The following ADARB2 variants were observed in gnomAD, a reference collection of about 807,000 sequenced individuals.
ADARB2 encodes inactive double-stranded RNA-specific editase B2.
Under a neutral mutation model 62.2 loss-of-function variants are expected in ADARB2, and 25 were observed. The observed-to-expected ratio is 0.40, with a 90% CI of 0.29 to 0.56. The LOEUF (loss-of-function observed/expected upper bound fraction) is 0.56, where lower values mean the gene tolerates loss of function less well. Among genes scored for constraint, ADARB2 ranks in the 20% least tolerant of loss-of-function variants. ADARB2 has a pLI of 0.43. For missense variants in ADARB2, 1,071 were observed against 1,077.4 expected (o/e 0.99, Z 0.08); for synonymous variants, 572 against 500.8 (o/e 1.14, Z -1.90).
intron 1 of ADARB2, among the ~76,000 whole-genome samples, chr10:1,484,637 C>T (rs933616929): frequency 6.6e-6 from 1 of 152,224 alleles, no homozygotes; most frequent in Non-Finnish European, 1.5e-5. Flanking sequence ...GCTATGGCAG[C>T]TACACTCATT....
intron 1 of ADARB2, among the ~76,000 whole-genome samples, chr10:1,726,582 T>C (rs1835167283): frequency 1.3e-5 from 2 of 152,092 alleles, no homozygotes; most frequent in African/African-American, 4.8e-5. Context: ...AGAGATGCCG[T>C]CCTTGGTCAC....
intron 1 of ADARB2, among the ~76,000 whole-genome samples, chr10:1,409,309 A>G (rs1832735291): frequency 6.7e-6 from 1 of 148,786 alleles, no homozygotes; most frequent in African/African-American, 2.5e-5. Flanking sequence ...TGCATTCTGC[A>G]AACTTGACTT....
In ADARB2 at chr10:1,581,720, A is replaced by C. The variant is rs1157916664; in HGVS notation, c.100+155331T>G. On this transcript the variant is annotated intron_variant, in intron 1 of 9. Transcript: ENST00000381312. ...TAGACAGAGAATGTATACACAGCAC[A>C]TACAGATGAGAGAACACACTCAGAG... Among the ~76,000 whole-genome samples the C allele has an allele frequency of 2.6e-5, 4 of 152,202 alleles. No individual in the cohort carries two copies. In the East Asian group the frequency reaches 7.7e-4, roughly 29 times the overall value.
At chr10:1,556,434 C>G (rs1010344546) in intron 1 of ADARB2, among the ~76,000 whole-genome samples, 1 of 152,012 alleles carries the variant, frequency 6.6e-6, no homozygotes. Flanking sequence ...GTCCTGCCAG[C>G]AAAAATGCTC....
chr10:1,506,251 G>C (rs982353602), intron 1 of ADARB2, among the ~76,000 whole-genome samples: 2 of 152,072 alleles, frequency 1.3e-5, no homozygotes, highest in African/African-American at 4.8e-5. Context: ...GAATTTTGTC[G>C]TGCGGCTCAT....
chr10:1,213,997 C>CCTG (rs71376896), intron 7 of ADARB2, among the ~76,000 whole-genome samples: 119,216 of 150,746 alleles, frequency 0.79, 47,267 homozygotes, highest in African/African-American at 0.87. Flanking sequence ...TGTGCCCAGA[C>CCTG]CTGGCATTGC....
intron 1 of ADARB2, among the ~76,000 whole-genome samples, chr10:1,666,377 G>A (rs578175870): frequency 2.6e-4 from 39 of 152,348 alleles, no homozygotes; most frequent in African/African-American, 8.4e-4. Context: ...CTCCGAAGGG[G>A]GGCCAGTAGC....
intron 7 of ADARB2, among the ~76,000 whole-genome samples, chr10:1,201,043 G>A (rs781398297): frequency 2.0e-4 from 31 of 152,078 alleles, no homozygotes; most frequent in Non-Finnish European, 4.1e-4. Context: ...ATTAATTACC[G>A]AATCTACCTG....
intron 1 of ADARB2, among the ~76,000 whole-genome samples, chr10:1,544,956 T>TATACACACACACACACACATACACACAC (rs10526252): frequency 1.5e-5 from 2 of 133,848 alleles, no homozygotes; most frequent in Middle Eastern, 3.6e-3. Context: ...TAGCAAAGTA[T>TATACACACACACACACACATACACACAC]ACACACACAC....
chr10:1,326,345 G>A (rs1008288785), intron 3 of ADARB2, among the ~76,000 whole-genome samples: 3 of 152,184 alleles, frequency 2.0e-5, no homozygotes, highest in Admixed American at 2.0e-4. Context: ...CTCCAGGTGG[G>A]CACCCATGGA....
intron 3 of ADARB2, among the ~76,000 whole-genome samples, chr10:1,289,769 C>T (rs1016083659): frequency 3.3e-5 from 5 of 152,258 alleles, no homozygotes; most frequent in Admixed American, 6.5e-5. Flanking sequence ...GGGGACCGCC[C>T]GACCTTCACT....
chr10:1,723,321 G>T (rs1588367239), intron 1 of ADARB2, among the ~76,000 whole-genome samples: 1 of 152,344 alleles, frequency 6.6e-6, no homozygotes, highest in South Asian at 2.1e-4. Flanking sequence ...GGGGACCTGA[G>T]CTCTCCCCGT....
chr10:1,205,305 G>C (rs903148059), intron 7 of ADARB2, among the ~76,000 whole-genome samples: 1 of 152,142 alleles, frequency 6.6e-6, no homozygotes, highest in East Asian at 1.9e-4. Flanking sequence ...GGTGGCCCTA[G>C]GGTTCTGAGG....
At chr10:1,729,639 T>G (rs1835207794) in intron 1 of ADARB2, among the ~76,000 whole-genome samples, 1 of 152,252 alleles carries the variant, frequency 6.6e-6, no homozygotes, top group Non-Finnish European at 1.5e-5. Flanking sequence ...AAAACCTGCT[T>G]TTTGTTTAAT....
intron 1 of ADARB2, among the ~76,000 whole-genome samples, chr10:1,503,132 T>G (rs1162292846): frequency 6.6e-6 from 1 of 152,252 alleles, no homozygotes; most frequent in Non-Finnish European, 1.5e-5. Flanking sequence ...AGTAAATTAT[T>G]TTCCTCAAAA....
intron 1 of ADARB2, among the ~76,000 whole-genome samples, chr10:1,588,705 C>T (rs150656342): frequency 1.1e-3 from 165 of 152,290 alleles, no homozygotes; most frequent in African/African-American, 3.8e-3. Context: ...GAAGACAGCC[C>T]GACCCTGGAT....
At chr10:1,637,004 CTT>C (rs1833924936) in intron 1 of ADARB2, among the ~76,000 whole-genome samples, 1 of 151,694 alleles carries the variant, frequency 6.6e-6, no homozygotes, top group South Asian at 2.1e-4. Flanking sequence ...CAATAACAGT[CTT>C]TCTTTTTTTT....
At chr10:1,568,825 T>TCTATCTATCTATCTAC (rs1554772452) in intron 1 of ADARB2, among the ~76,000 whole-genome samples, 7 of 151,934 alleles carry the variant, frequency 4.6e-5, no homozygotes, top group African/African-American at 1.7e-4. Context: ...TATCTATCTA[T>TCTATCTATCTATCTAC]CTATCTATCT....
At chr10:1,256,225 G>A (rs1564237397) in intron 4 of ADARB2, among the ~76,000 whole-genome samples, 1 of 152,196 alleles carries the variant, frequency 6.6e-6, no homozygotes, top group Non-Finnish European at 1.5e-5. Context: ...CTCTGCTGTG[G>A]AGACTGAGAT....
Sources: allele counts gnomAD v4.1 joint callset (sites outside exome capture counted in the v4.1 genomes callset), GRCh38; gene constraint gnomAD v4.1.1; transcripts MANE v1.5; gene names NCBI Gene and HGNC (gene_info 2026-07-23, HGNC 2026-07-21).